SLC26A7: variants seen among roughly 807,000 people sequenced by gnomAD.
The protein encoded by SLC26A7 is anion exchange transporter.
In SLC26A7, 59 loss-of-function variants were observed where a neutral mutation model predicts 82.5. The observed-to-expected ratio is 0.72, with a 90% confidence interval of 0.58 to 0.89. SLC26A7 has a LOEUF of 0.89. Ranked by LOEUF, SLC26A7 falls within the 40% of genes least tolerant of loss-of-function variation. The probability of loss-of-function intolerance (pLI) is 0.00; values close to 1 mark genes in which losing one functional copy is unlikely to be tolerated. For synonymous variants in SLC26A7, 271 were observed against 274.3 expected (o/e 0.99, Z 0.12); for missense variants, 820 against 793.0 (o/e 1.03, Z -0.41).
intron 11 of SLC26A7, among the ~76,000 whole-genome samples, chr8:91,361,476 G>C (rs1814047902): frequency 6.6e-6 from 1 of 152,136 alleles, no homozygotes; most frequent in Non-Finnish European, 1.5e-5. Context: ...ATTGCAGTCA[G>C]AGGCAAAGTG....
chr8:91,272,432 C>A (rs561023291), intron 2 of SLC26A7, among the ~76,000 whole-genome samples: 1 of 152,170 alleles, frequency 6.6e-6, no homozygotes, highest in Non-Finnish European at 1.5e-5. Context: ...GTAGATACTG[C>A]AAATGCAGAA....
intron 15 of SLC26A7, among the ~76,000 whole-genome samples, chr8:91,373,482 A>C (rs531155371): frequency 1.3e-5 from 2 of 152,184 alleles, no homozygotes; most frequent in South Asian, 4.1e-4. Context: ...TAAGATAATC[A>C]CATGGCTTTT....
At chr8:91,392,897 C>T (rs1808442482) in intron 16 of SLC26A7, among the ~76,000 whole-genome samples, 1 of 152,106 alleles carries the variant, frequency 6.6e-6, no homozygotes, top group Admixed American at 6.6e-5. Flanking sequence ...AAATGGGAGC[C>T]ATTTATTCAA....
intron 16 of SLC26A7, among the ~76,000 whole-genome samples, chr8:91,391,717 G>C (rs770495288): frequency 6.6e-6 from 1 of 152,020 alleles, no homozygotes; most frequent in Non-Finnish European, 1.5e-5. Context: ...CTGGGTTCTG[G>C]TTCTGACCTA....
chr8:91,282,132 G>C (rs997883419), intron 2 of SLC26A7, among the ~76,000 whole-genome samples: 1 of 152,044 alleles, frequency 6.6e-6, no homozygotes, highest in Non-Finnish European at 1.5e-5. Flanking sequence ...ACTTAAGTTA[G>C]TTCTAATCAG....
chr8:91,289,299 GAT>G (rs1245560786), intron 3 of SLC26A7, 53 bp downstream of exon 3: 1 of 1,286,624 alleles, frequency 7.8e-7, no homozygotes, highest in Non-Finnish European at 1.1e-6. Flanking sequence ...AAGACTTAGT[GAT>G]TATTACTGAT....
chr8:91,324,422 A>T (rs1563679647), intron 5 of SLC26A7, among the ~76,000 whole-genome samples: 1 of 152,208 alleles, frequency 6.6e-6, no homozygotes, highest in African/African-American at 2.4e-5. Context: ...ATGCCTGGGC[A>T]ATCATGACTC....
intron 6 of SLC26A7, among the ~76,000 whole-genome samples, 181 bp from the exon 7 acceptor site, chr8:91,337,969 C>G (rs533940431): frequency 6.6e-6 from 1 of 152,208 alleles, no homozygotes; most frequent in East Asian, 1.9e-4. Context: ...TCAGTGCTCT[C>G]AAAACTGAGG....
chr8:91,244,879 A>G (rs894291075), upstream of SLC26A7, among the ~76,000 whole-genome samples: 1 of 152,146 alleles, frequency 6.6e-6, no homozygotes, highest in African/African-American at 2.4e-5. Context: ...TATGTATCAA[A>G]ATAGATCACA....
At chr8:91,260,055 G>T (rs1236906606) in intron 2 of SLC26A7, among the ~76,000 whole-genome samples, 1 of 151,944 alleles carries the variant, frequency 6.6e-6, no homozygotes, top group African/African-American at 2.4e-5. Context: ...ATTTATTTTT[G>T]ATTCATATTT....
chr8:91,351,275 C>T (rs1454244097), intron 9 of SLC26A7, among the ~76,000 whole-genome samples: 2 of 152,064 alleles, frequency 1.3e-5, no homozygotes, highest in South Asian at 2.1e-4. Flanking sequence ...AAGTCTGTTC[C>T]ACAGCCAGAG....
intron 9 of SLC26A7, chr8:91,343,819 T>C (rs1370266943): frequency 3.8e-6 from 1 of 261,878 alleles, no homozygotes; most frequent in Non-Finnish European, 5.9e-6. Context: ...ATATATAAAA[T>C]CGATTATATG....
intron 2 of SLC26A7, among the ~76,000 whole-genome samples, chr8:91,275,870 C>G (rs1342151336): frequency 2.0e-5 from 3 of 152,142 alleles, no homozygotes; most frequent in African/African-American, 7.2e-5. Context: ...TGCTTAGAGT[C>G]AGGGATTAGC....
intron 1 of SLC26A7, among the ~76,000 whole-genome samples, chr8:91,214,672 T>C (rs1259495600): frequency 6.6e-6 from 1 of 152,286 alleles, no homozygotes; most frequent in East Asian, 1.9e-4. Flanking sequence ...AGCATGAAAA[T>C]GCATTGATTC....
chr8:91,275,712 T>C (rs1299127041), intron 2 of SLC26A7, among the ~76,000 whole-genome samples: 1 of 152,206 alleles, frequency 6.6e-6, no homozygotes, highest in Non-Finnish European at 1.5e-5. Context: ...GGAATGGCAC[T>C]GTGCAAAGAG....
chr8:91,268,157 A>T (rs984724083), intron 2 of SLC26A7, among the ~76,000 whole-genome samples: 2 of 151,832 alleles, frequency 1.3e-5, no homozygotes, highest in African/African-American at 4.8e-5. Flanking sequence ...TTGTTTTCTG[A>T]ACTAATATAT....
intron 4 of SLC26A7, among the ~76,000 whole-genome samples, chr8:91,307,804 AAAAT>A (rs1488385211): frequency 5.4e-5 from 3 of 55,272 alleles, no homozygotes; most frequent in East Asian, 2.9e-4. Flanking sequence ...TATAATAATA[AAAAT>A]AAATAAATAA....
chr8:91,370,470 A>G (rs2130880896), intron 15 of SLC26A7, among the ~76,000 whole-genome samples: 1 of 152,176 alleles, frequency 6.6e-6, no homozygotes, highest in Non-Finnish European at 1.5e-5. Context: ...CATGAAATAT[A>G]TCTTTGAATA....
At chr8:91,256,939 C>A (rs535262161) in intron 2 of SLC26A7, among the ~76,000 whole-genome samples, 4 of 152,214 alleles carry the variant, frequency 2.6e-5, no homozygotes, top group African/African-American at 9.6e-5. Flanking sequence ...ATTCCTCATT[C>A]TTCACTGGTA....
Sources: gnomAD v4.1 joint callset for allele counts (sites outside exome capture counted in the v4.1 genomes callset) on GRCh38, gnomAD v4.1.1 for gene constraint, MANE v1.5 for transcripts, NCBI Gene and HGNC (gene_info 2026-07-23, HGNC 2026-07-21) for gene names.